ITGA9: variants seen among roughly 807,000 people sequenced by gnomAD.
The protein encoded by ITGA9 is integrin subunit alpha 9, also known as integrin alpha-9.
A neutral mutation model predicts 127.8 loss-of-function variants in ITGA9; 56 were observed. That is an observed-to-expected ratio of 0.44 (90% CI 0.35 to 0.55). The LOEUF is 0.55. Among genes scored for constraint, ITGA9 ranks in the 20% least tolerant of loss-of-function variants. The pLI is 0.00. For missense variants in ITGA9, 1,196 were observed against 1,347.1 expected (o/e 0.89, Z 1.76); for synonymous variants, 508 against 514.5 (o/e 0.99, Z 0.17).
At chr3:37,705,427 G>A (rs1700993508) in intron 18 of ITGA9, among the ~76,000 whole-genome samples, 1 of 152,190 alleles carries the variant, frequency 6.6e-6, no homozygotes, top group Non-Finnish European at 1.5e-5. Context: ...ACAAGGCCCT[G>A]GGAAAGGAAA....
At chr3:37,707,470 G>A (rs535321750) in intron 18 of ITGA9, among the ~76,000 whole-genome samples, 3 of 152,234 alleles carry the variant, frequency 2.0e-5, no homozygotes, top group African/African-American at 7.2e-5. Flanking sequence ...GTACTTTGAA[G>A]GTTTGGGGAC....
intron 16 of ITGA9, among the ~76,000 whole-genome samples, chr3:37,636,007 A>G (rs947203981): frequency 6.6e-6 from 1 of 151,890 alleles, no homozygotes; most frequent in Non-Finnish European, 1.5e-5. Flanking sequence ...TATATGTGCC[A>G]CATTTTCTTA....
At chr3:37,601,321 G>A (rs184170090) in intron 15 of ITGA9, among the ~76,000 whole-genome samples, 7 of 152,312 alleles carry the variant, frequency 4.6e-5, no homozygotes, top group Non-Finnish European at 5.9e-5. Context: ...AGGGTGCAAT[G>A]TGAACAGAAA....
chr3:37,649,426 G>T (rs1374278108), intron 16 of ITGA9, among the ~76,000 whole-genome samples: 2 of 152,130 alleles, frequency 1.3e-5, no homozygotes, highest in African/African-American at 4.8e-5. Context: ...AGCAGGAGTG[G>T]TTAATACTTA....
At chr3:37,719,724 T>G (rs1701171130) in intron 18 of ITGA9, among the ~76,000 whole-genome samples, 1 of 152,082 alleles carries the variant, frequency 6.6e-6, no homozygotes, top group Non-Finnish European at 1.5e-5. Flanking sequence ...ACCGGTGAGA[T>G]GGATAGATGC....
chr3:37,496,311 T>C (rs1281354158), intron 5 of ITGA9, among the ~76,000 whole-genome samples: 2 of 152,216 alleles, frequency 1.3e-5, no homozygotes, highest in Non-Finnish European at 2.9e-5. Flanking sequence ...GAATCATTTT[T>C]ATGACAGTCG....
intron 27 of ITGA9, chr3:37,818,229 C>A (rs1575253550): frequency 7.5e-6 from 1 of 133,634 alleles, no homozygotes; most frequent in African/African-American, 2.9e-5. Flanking sequence ...CCACACTTCC[C>A]AAACTTATTT....
intron 21 of ITGA9, among the ~76,000 whole-genome samples, chr3:37,742,684 G>T (rs146122156): frequency 1.1e-3 from 171 of 152,268 alleles, no homozygotes; most frequent in African/African-American, 4.1e-3. Context: ...CGGTTTTCAA[G>T]TGCTTCTGGG....
intron 8 of ITGA9, among the ~76,000 whole-genome samples, chr3:37,512,198 T>TCTTTTCTTTTCTTTC (rs1698937392): frequency 1.6e-5 from 1 of 61,846 alleles, no homozygotes; most frequent in Non-Finnish European, 3.0e-5. Flanking sequence ...TCTTTTCTTT[T>TCTTTTCTTTTCTTTC]CTTTTCTTTT....
At position 37,814,844 on chromosome 3, in the gene ITGA9, C is replaced by T. The variant is rs573451739; in HGVS notation, c.3010-4047C>T. 1.3e-5 allele frequency among the ~76,000 whole-genome samples: 2 copies of T among 152,324 alleles called. No individual in the cohort carries two copies. The highest frequency in any genetic ancestry group is 1.9e-4 in the East Asian group (1 of 5,188). Reference sequence around the variant, plus strand: ...GCAGTGTAGCACCTGCACTACTGTACCTACAACTCCCTAGCCATGAGAGTG... The same window carrying T: ...GCAGTGTAGCACCTGCACTACTGTATCTACAACTCCCTAGCCATGAGAGTG... On this transcript the variant is annotated intron_variant, in intron 27 of 27. Coordinates refer to ENST00000264741, the MANE Select transcript of ITGA9 (RefSeq NM_002207.3). This position sits in a 1 kb window ranked among gnomAD's most constrained non-coding sequence, Gnocchi z 4.3.
intron 18 of ITGA9, among the ~76,000 whole-genome samples, chr3:37,685,097 T>A (rs1479795597): frequency 6.6e-6 from 1 of 152,222 alleles, no homozygotes; most frequent in Non-Finnish European, 1.5e-5. Context: ...CCTTGTTCTT[T>A]ATGTTAAAAT....
At chr3:37,535,815 A>T (rs569295774) in intron 14 of ITGA9, among the ~76,000 whole-genome samples, 7 of 152,262 alleles carry the variant, frequency 4.6e-5, no homozygotes. Flanking sequence ...AAGGCAATGC[A>T]GAAAATTATT....
At chr3:37,486,943 T>A (rs949119864) in intron 4 of ITGA9, among the ~76,000 whole-genome samples, 10 of 152,338 alleles carry the variant, frequency 6.6e-5, no homozygotes, top group African/African-American at 2.4e-4. Context: ...AGGACAGTGA[T>A]CATTTCCAGG....
In ITGA9 at chr3:37,592,121, A is replaced by G. The variant is rs57724765; in HGVS notation, c.1690-37066A>G. Among the ~76,000 whole-genome samples the G allele has an allele frequency of 3.2e-3, 494 of 152,196 alleles. 1 individual carries two copies. The highest frequency in any genetic ancestry group is 0.011 in the African/African-American group (465 of 41,522). Reference sequence around the variant, plus strand: ...TCCAGCCTGTCTCTTTCATCCCTCTATGGACTGAGACATCTCCCTTTACAC... The same window carrying G: ...TCCAGCCTGTCTCTTTCATCCCTCTGTGGACTGAGACATCTCCCTTTACAC... On this transcript the variant is annotated intron_variant, in intron 15 of 27. Coordinates refer to ENST00000264741, the MANE Select transcript of ITGA9 (RefSeq NM_002207.3).
At chr3:37,475,374 A>G (rs1698483006) in intron 3 of ITGA9, among the ~76,000 whole-genome samples, 1 of 152,242 alleles carries the variant, frequency 6.6e-6, no homozygotes, top group Non-Finnish European at 1.5e-5. Flanking sequence ...TCCTCTCTGC[A>G]AGGAAGGATA....
At chr3:37,454,708 T>C (rs925980255) in intron 1 of ITGA9, among the ~76,000 whole-genome samples, 3 of 152,214 alleles carry the variant, frequency 2.0e-5, no homozygotes, top group Non-Finnish European at 4.4e-5. Flanking sequence ...CCCACCATAT[T>C]GACTTAATTT....
At chr3:37,494,440 C>A in intron 4 of ITGA9, 61 bp from the exon 5 acceptor site, 2 of 1,245,272 alleles carry the variant, frequency 1.6e-6, no homozygotes, top group Non-Finnish European at 2.3e-6. Context: ...GCTGGCTCCA[C>A]GCACAGCTGG....
intron 14 of ITGA9, among the ~76,000 whole-genome samples, chr3:37,541,412 A>G (rs1174809056): frequency 2.0e-5 from 3 of 152,244 alleles, no homozygotes; most frequent in Admixed American, 6.5e-5. Context: ...AAGCAGTAAA[A>G]TAGGTGTATT....
chr3:37,713,198 C>G (rs1701097475), intron 18 of ITGA9, among the ~76,000 whole-genome samples: 1 of 152,296 alleles, frequency 6.6e-6, no homozygotes, highest in South Asian at 2.1e-4. Context: ...ATTTCTGTCT[C>G]TCCTGTCAGA....
Sources: gnomAD v4.1 joint callset for allele counts (sites outside exome capture counted in the v4.1 genomes callset) on GRCh38, gnomAD v4.1.1 for gene constraint, Gnocchi (gnomAD v3.1) non-coding constraint, MANE v1.5 for transcripts, NCBI Gene and HGNC (gene_info 2026-07-23, HGNC 2026-07-21) for gene names.